The following LARGE1 variants were observed in gnomAD, a reference collection of about 807,000 sequenced individuals.
The protein encoded by LARGE1 is xylosyl- and glucuronyltransferase LARGE1.
A neutral mutation model predicts 87.6 loss-of-function variants in LARGE1; 43 were observed. That is an observed-to-expected ratio of 0.49 (90% CI 0.38 to 0.63). The LOEUF (loss-of-function observed/expected upper bound fraction) is 0.63. Among genes scored for constraint, LARGE1 ranks in the 30% least tolerant of loss-of-function variants. LARGE1 has a pLI of 0.00. For synonymous variants in LARGE1, 434 were observed against 394.6 expected (o/e 1.10, Z -1.18); for missense variants, 802 against 1,000.2 (o/e 0.80, Z 2.67).
chr22:33,741,238 G>A (rs2083869178), intron 2 of LARGE1, among the ~76,000 whole-genome samples: 1 of 152,166 alleles, frequency 6.6e-6, no homozygotes, highest in African/African-American at 2.4e-5. Context: ...TTACAGTCTT[G>A]ACAATAGCTC....
At chr22:33,372,576 T>C (rs1240045685) in intron 9 of LARGE1, among the ~76,000 whole-genome samples, 1 of 152,078 alleles carries the variant, frequency 6.6e-6, no homozygotes, top group Non-Finnish European at 1.5e-5. Flanking sequence ...TCAGATCTCG[T>C]AAGACCTATT....
At chr22:33,605,076 C>T (rs534367963) in intron 4 of LARGE1, among the ~76,000 whole-genome samples, 89 of 151,670 alleles carry the variant, frequency 5.9e-4, no homozygotes, top group African/African-American at 2.0e-3. Flanking sequence ...GCTCCCATCA[C>T]CCAGTAACAG....
intron 4 of LARGE1, among the ~76,000 whole-genome samples, chr22:33,611,251 TG>T (rs2079420151): frequency 6.8e-6 from 1 of 147,858 alleles, no homozygotes; most frequent in Admixed American, 6.8e-5. Context: ...TGTGCACCTT[TG>T]TGCTTGGAAA....
chr22:33,396,251 T>C (rs2065736111), intron 7 of LARGE1, among the ~76,000 whole-genome samples: 1 of 152,212 alleles, frequency 6.6e-6, no homozygotes, highest in African/African-American at 2.4e-5. Flanking sequence ...CCCTTCTGCT[T>C]TGAAGCACTA....
chr22:33,303,235 G>A (rs774214308), intron 12 of LARGE1, among the ~76,000 whole-genome samples: 1 of 152,182 alleles, frequency 6.6e-6, no homozygotes, highest in Non-Finnish European at 1.5e-5. Flanking sequence ...ATGATGTGGG[G>A]GGAGCTGGAA....
intron 6 of LARGE1, among the ~76,000 whole-genome samples, chr22:33,510,417 A>G (rs754267568): frequency 2.0e-5 from 3 of 152,234 alleles, no homozygotes; most frequent in Non-Finnish European, 4.4e-5. Flanking sequence ...TCTCCGTGCT[A>G]GTAAAAAGTG....
intron 1 of LARGE1, among the ~76,000 whole-genome samples, chr22:33,867,518 G>A (rs1203826915): frequency 3.9e-5 from 6 of 152,192 alleles, no homozygotes; most frequent in African/African-American, 7.2e-5. Context: ...GCCTTCTAGC[G>A]CTGGTTCTAT....
intron 1 of LARGE1, among the ~76,000 whole-genome samples, chr22:33,903,941 G>C (rs2065359821): frequency 6.6e-6 from 1 of 152,186 alleles, no homozygotes; most frequent in Non-Finnish European, 1.5e-5. Flanking sequence ...AGTGTTGACT[G>C]GCGCTGGTAG....
Position 33,882,914 on chromosome 22 carries a change from C to T in LARGE1, c.-83+37081G>A, listed in dbSNP as rs56131192. Among the ~76,000 whole-genome samples the T allele has an allele frequency of 5.3e-3, 806 of 152,214 alleles. 7 individuals are homozygous for T. Among genetic ancestry groups the T allele is most frequent in the African/African-American group, 0.018 (764 of 41,518 alleles). ...TCCATAATCCAATTTTCCTCACGTG[C>T]GTCTACAAATCACCCCCATCTCTCC... On this transcript the variant is annotated intron_variant, in intron 1 of 14. Coordinates refer to ENST00000397394, the MANE Select transcript of LARGE1 (RefSeq NM_133642.5).
chr22:33,774,954 T>G (rs1180562298), intron 1 of LARGE1, among the ~76,000 whole-genome samples: 1 of 152,276 alleles, frequency 6.6e-6, no homozygotes, highest in South Asian at 2.1e-4. Context: ...CAGGAAGCTT[T>G]GCCGTAATAC....
chr22:33,587,611 T>A (rs1420999384), intron 5 of LARGE1, among the ~76,000 whole-genome samples: 1 of 152,212 alleles, frequency 6.6e-6, no homozygotes, highest in Non-Finnish European at 1.5e-5. Flanking sequence ...ACATGCTGTA[T>A]CTGTTTCAAG....
At position 33,305,763 on chromosome 22, in the gene LARGE1, A is replaced by C. The variant is rs1457585734; in HGVS notation, c.1452-1256T>G. ...TTCAATAGGGAGGATTAAGATATTC[A>C]CCAGTGCAAAATGCTCTCCATTTCT... On this transcript the variant is annotated intron_variant, in intron 11 of 14. Coordinates refer to ENST00000397394, the MANE Select transcript of LARGE1 (RefSeq NM_133642.5). 3.1e-5 allele frequency: 5 copies of C among 163,048 alleles called. No individual in the cohort carries two copies. The East Asian group carries it at 9.6e-4, about 31-fold the overall frequency. The allele number at this position is 163,048 out of a possible 1,614,324, so 10.1% of individuals were successfully genotyped here.
intron 2 of LARGE1, among the ~76,000 whole-genome samples, chr22:33,713,152 A>G (rs1431284097): frequency 6.6e-6 from 1 of 152,204 alleles, no homozygotes; most frequent in Non-Finnish European, 1.5e-5. Flanking sequence ...GGGGATAGAT[A>G]TATCTACAGA....
At chr22:33,370,231 TA>T (rs35087776) in intron 9 of LARGE1, among the ~76,000 whole-genome samples, 153 of 150,684 alleles carry the variant, frequency 1.0e-3, no homozygotes, top group African/African-American at 3.5e-3. Context: ...CAGGGGCCGT[TA>T]AAAAAAAATA....
At chr22:33,190,397 G>GCAGCTGCAATACCACTC (rs1388998201) in intron 11 of LARGE1, among the ~76,000 whole-genome samples, 2 of 152,122 alleles carry the variant, frequency 1.3e-5, no homozygotes, top group African/African-American at 2.4e-5. Flanking sequence ...AGCTCCTTCT[G>GCAGCTGCAATACCACTC]CAGCTGCAAT....
At chr22:33,705,546 C>A (rs2082536142) in intron 2 of LARGE1, among the ~76,000 whole-genome samples, 1 of 152,162 alleles carries the variant, frequency 6.6e-6, no homozygotes, top group African/African-American at 2.4e-5. Context: ...TGCTCAGCCC[C>A]ATTTCACTGA....
chr22:33,818,742 T>G (rs1433345108), intron 1 of LARGE1, among the ~76,000 whole-genome samples: 1 of 152,192 alleles, frequency 6.6e-6, no homozygotes, highest in African/African-American at 2.4e-5. Context: ...CAGATTTGCC[T>G]GTGATTTTTG....
chr22:33,747,280 G>C (rs766496597), intron 2 of LARGE1, among the ~76,000 whole-genome samples: 22 of 152,102 alleles, frequency 1.4e-4, no homozygotes, highest in Non-Finnish European at 2.9e-4. Flanking sequence ...CTGTGTGACA[G>C]GTCCCTGCCT....
upstream of LARGE1, among the ~76,000 whole-genome samples, chr22:33,921,151 G>C (rs2065939528): frequency 6.6e-6 from 1 of 151,654 alleles, no homozygotes; most frequent in South Asian, 2.1e-4. The surrounding 1 kb of genome is among the most constrained non-coding windows in gnomAD (Gnocchi z 4.1). Flanking sequence ...CGCCGCAGCC[G>C]CGCGGACCGA....
Sources: gnomAD v4.1 joint callset for allele counts (sites outside exome capture counted in the v4.1 genomes callset) on GRCh38, gnomAD v4.1.1 for gene constraint, Gnocchi (gnomAD v3.1) non-coding constraint, MANE v1.5 for transcripts, NCBI Gene and HGNC (gene_info 2026-07-23, HGNC 2026-07-21) for gene names.